The following RFX8 variants were observed in gnomAD, a reference collection of about 807,000 sequenced individuals.
RFX8 encodes the protein DNA-binding protein RFX8.
RFX8 carries 46 observed loss-of-function variants against 54.6 expected under a neutral mutation model. The ratio of observed to expected loss-of-function variants is 0.84; its 90% confidence interval spans 0.67 to 1.08. The LOEUF is 1.08. RFX8 is among the 50% of genes least tolerant of loss of function. RFX8 has a pLI of 0.00. For synonymous variants in RFX8, 192 were observed against 209.5 expected (o/e 0.92, Z 0.72); for missense variants, 536 against 562.3 (o/e 0.95, Z 0.47).
chr2:101,398,709 T>TC (rs1025904015), intron 11 of RFX8, among the ~76,000 whole-genome samples: 1 of 152,164 alleles, frequency 6.6e-6, no homozygotes. Flanking sequence ...GAATGTACCA[T>TC]CCCTCCCTTA....
At chr2:101,474,394 G>A (rs1198351232) in intron 1 of RFX8, 1 of 383,158 alleles carries the variant, frequency 2.6e-6, no homozygotes, top group East Asian at 3.9e-5. Context: ...AGGAGCGCGC[G>A]GGGGGCGCGC....
chr2:101,437,867 A>G (rs62154275), intron 2 of RFX8, among the ~76,000 whole-genome samples: 114,887 of 151,842 alleles, frequency 0.76, 44,419 homozygotes, highest in Middle Eastern at 0.88. Flanking sequence ...AGGTTCATGT[A>G]TCCACCACCA....
intron 2 of RFX8, among the ~76,000 whole-genome samples, chr2:101,459,359 T>C (rs980775893): frequency 1.3e-5 from 2 of 152,180 alleles, no homozygotes; most frequent in Non-Finnish European, 2.9e-5. Context: ...TTTATCTACC[T>C]TTGGTCTTTG....
In RFX8 at chr2:101,469,053, TAC is replaced by T. The variant is rs1422812374; in HGVS notation, c.-52-2155_-52-2154del. On this transcript the variant is annotated intron_variant, in intron 1 of 11. Transcript: ENST00000428343. ...ATACGTATATATATGTATATATATA[TAC>T]GTATATATATGTATATATATATAAG... 3.1e-3 allele frequency among the ~76,000 whole-genome samples: 98 copies of T among 31,992 alleles called. 3 individuals carry two copies. The highest frequency in any genetic ancestry group is 8.8e-3 in the African/African-American group (82 of 9,296). 21.0% of individuals were successfully genotyped at this position (31,992 alleles called of 152,430 possible). A position where few individuals can be genotyped will look rare whatever the true frequency, so the allele number is the denominator to read the frequency against.
intron 2 of RFX8, among the ~76,000 whole-genome samples, chr2:101,459,520 G>A (rs1160230075): frequency 6.6e-6 from 1 of 152,138 alleles, no homozygotes. Flanking sequence ...TCCAGACCCC[G>A]TTTGCCAGGG....
At chr2:101,415,334 AAGAC>A (rs1686430403) in intron 6 of RFX8, among the ~76,000 whole-genome samples, 1 of 152,156 alleles carries the variant, frequency 6.6e-6, no homozygotes, top group African/African-American at 2.4e-5. Flanking sequence ...ACAAAGCAAA[AAGAC>A]AGCCATCTGT....
chr2:101,414,526 G>T (rs1027428901), intron 7 of RFX8, among the ~76,000 whole-genome samples: 1 of 151,568 alleles, frequency 6.6e-6, no homozygotes, highest in Non-Finnish European at 1.5e-5. Flanking sequence ...TGCCTGCCTC[G>T]GACTTCCAAA....
chr2:101,457,776 G>A (rs1351569367), intron 2 of RFX8, among the ~76,000 whole-genome samples: 1 of 152,112 alleles, frequency 6.6e-6, no homozygotes, highest in Non-Finnish European at 1.5e-5. Context: ...TAACCTTCTA[G>A]CTCATTGATC....
Position 101,410,476 on chromosome 2 carries a change from T to TC in RFX8, c.813+142dup, listed in dbSNP as rs1229401995. 1.8e-5 allele frequency: 11 copies of TC among 607,070 alleles called. No individual in the cohort carries two copies. In the African/African-American group the frequency reaches 2.1e-4, roughly 11 times the overall value. 37.6% of individuals were successfully genotyped at this position (607,070 alleles called of 1,614,324 possible). On this transcript the variant is annotated intron_variant, in intron 9 of 11. Transcript: ENST00000428343. ...CCACCTGCTACAGAGTTCGAGGCCA[T>TC]CCCCTGCCCTCACACCCAGGCCAGC...
At chr2:101,400,470 T>C (rs1338156219) in intron 11 of RFX8, among the ~76,000 whole-genome samples, 1 of 152,136 alleles carries the variant, frequency 6.6e-6, no homozygotes, top group Admixed American at 6.5e-5. Flanking sequence ...CATTTCTTCT[T>C]AGTAAATTCC....
At chr2:101,429,773 AT>A (rs1344908996) in intron 2 of RFX8, among the ~76,000 whole-genome samples, 1 of 152,188 alleles carries the variant, frequency 6.6e-6, no homozygotes, top group Non-Finnish European at 1.5e-5. Context: ...CTACCTGAAC[AT>A]AAAAAAGAGA....
intron 7 of RFX8, among the ~76,000 whole-genome samples, chr2:101,413,434 C>T (rs1686279811): frequency 6.6e-6 from 1 of 152,112 alleles, no homozygotes; most frequent in African/African-American, 2.4e-5. Flanking sequence ...CCTGAGGGAG[C>T]GGCTGCGGGA....
chr2:101,419,183 A>G (rs1686713093), intron 4 of RFX8, among the ~76,000 whole-genome samples: 2 of 152,194 alleles, frequency 1.3e-5, no homozygotes, highest in Admixed American at 6.5e-5. Flanking sequence ...ATAATGTAGA[A>G]CATTATTAAT....
chr2:101,453,574 G>A (rs904105027), intron 2 of RFX8, among the ~76,000 whole-genome samples: 4 of 152,090 alleles, frequency 2.6e-5, no homozygotes, highest in Middle Eastern at 3.4e-3. Flanking sequence ...GGTGAAACTC[G>A]GTCTCAAAAA....
intron 10 of RFX8, among the ~76,000 whole-genome samples, chr2:101,404,069 G>A (rs77358303): frequency 6.6e-6 from 1 of 152,286 alleles, no homozygotes; most frequent in East Asian, 1.9e-4. Flanking sequence ...CAACTTACAG[G>A]GCTGTAAAAA....
At chr2:101,403,545 T>C (rs1439707053) in intron 10 of RFX8, among the ~76,000 whole-genome samples, 1 of 152,150 alleles carries the variant, frequency 6.6e-6, no homozygotes, top group Non-Finnish European at 1.5e-5. Flanking sequence ...CCAGCACTTT[T>C]GGAGGCCGAG....
intron 2 of RFX8, among the ~76,000 whole-genome samples, chr2:101,437,676 CCT>C (rs1177070531): frequency 6.6e-6 from 1 of 152,026 alleles, no homozygotes; most frequent in African/African-American, 2.4e-5. Flanking sequence ...TCTTTTACAC[CCT>C]GTTTAGTTTC....
At chr2:101,427,514 A>G (rs1313955678) in intron 2 of RFX8, among the ~76,000 whole-genome samples, 2 of 152,220 alleles carry the variant, frequency 1.3e-5, no homozygotes, top group East Asian at 3.9e-4. Context: ...TCCGGGAGGA[A>G]CACGGCTCTG....
At chr2:101,406,135 T>C (rs1685721463) in intron 9 of RFX8, 78 bp from the exon 10 acceptor site, 15 of 773,340 alleles carry the variant, frequency 1.9e-5, no homozygotes, top group Non-Finnish European at 2.9e-5. Context: ...AATGCACACA[T>C]TTGTCATGCA....
Sources: allele counts gnomAD v4.1 joint callset (sites outside exome capture counted in the v4.1 genomes callset), GRCh38; gene constraint gnomAD v4.1.1; transcripts MANE v1.5; gene names NCBI Gene and HGNC (gene_info 2026-07-23, HGNC 2026-07-21).